WDTC1: variants seen among roughly 807,000 people sequenced by gnomAD.
WDTC1 encodes the protein WD and tetratricopeptide repeats 1.
In WDTC1, 12 loss-of-function variants were observed where a neutral mutation model predicts 76.0. The observed-to-expected ratio is 0.16, with a 90% CI of 0.10 to 0.26. WDTC1 has a LOEUF of 0.26. Among genes scored for constraint, WDTC1 ranks in the 10% least tolerant of loss-of-function variants. The pLI is 1.00. For synonymous variants in WDTC1, 326 were observed against 350.8 expected, an observed-to-expected ratio of 0.93 and a Z score of 0.79; for missense variants, 511 against 908.8, an observed-to-expected ratio of 0.56 and a Z score of 5.63.
intron 1 of WDTC1, among the ~76,000 whole-genome samples, chr1:27,249,834 A>G (rs2011976596): frequency 6.6e-6 from 1 of 152,152 alleles, no homozygotes; most frequent in Non-Finnish European, 1.5e-5. Context: ...TCGGCCTCCC[A>G]AAGCGCTGGG....
At chr1:27,266,110 T>A (rs2012655888) in intron 3 of WDTC1, among the ~76,000 whole-genome samples, 1 of 152,134 alleles carries the variant, frequency 6.6e-6, no homozygotes, top group South Asian at 2.1e-4. Context: ...TGGAATGGGA[T>A]GCCTGAATAA....
chr1:27,305,017 G>A lies in WDTC1; in HGVS notation c.1660G>A (p.Val554Ile), dbSNP rs566141915. 6.8e-5 allele frequency: 109 copies of A among 1,613,814 alleles called. 1 individual carries two copies. The highest frequency in any genetic ancestry group is 3.7e-4 in the South Asian group (34 of 91,066). The change falls in exon 15 of 16, where the codon GTC (valine) becomes ATC (isoleucine). Residue 554 changes from valine (V) to isoleucine (I), a missense_variant. By Grantham distance (29) the Val-to-Ile change is conservative. Coordinates refer to ENST00000319394, the MANE Select transcript of WDTC1 (RefSeq NM_001276252.2). The surrounding 1 kb of genome is among the most constrained non-coding windows in gnomAD (Gnocchi z 4.6). ...NFFGSNAQYIVSGSDDGSFFI... is the reference protein window; with the variant it reads ...NFFGSNAQYIISGSDDGSFFI... Reference sequence around the variant, plus strand: ...CCCCGCCAGCAACGCTCAGTATATCGTCAGTGGCTCTGACGATGGCTCCTT... The same window carrying A: ...CCCCGCCAGCAACGCTCAGTATATCATCAGTGGCTCTGACGATGGCTCCTT...
Position 27,303,497 on chromosome 1 carries a change from A to C in WDTC1, c.1469-124A>C. 8.3e-7 allele frequency: 1 copy of C among 1,199,170 alleles called. No individual in the cohort carries two copies. Among genetic ancestry groups the C allele is most frequent in the Non-Finnish European group, 1.1e-6 (1 of 889,704 alleles). 74.3% of individuals were successfully genotyped at this position (1,199,170 alleles called of 1,614,324 possible). Reference sequence around the variant, plus strand: ...CAACCTTTCCCCAGTTTTCCAGGATAAGGGTGGAGGCAGGTAGCTCTATGT... The same window carrying C: ...CAACCTTTCCCCAGTTTTCCAGGATCAGGGTGGAGGCAGGTAGCTCTATGT... On this transcript the variant is annotated intron_variant, in intron 13 of 15. Coordinates refer to ENST00000319394, the MANE Select transcript of WDTC1 (RefSeq NM_001276252.2). The surrounding 1 kb of genome is among the most constrained non-coding windows in gnomAD (Gnocchi z 4.8).
chr1:27,249,458 T>C (rs149931890), intron 1 of WDTC1, among the ~76,000 whole-genome samples: 35 of 152,340 alleles, frequency 2.3e-4, no homozygotes, highest in Admixed American at 8.5e-4. Flanking sequence ...TTGTAGCATG[T>C]ATCAGTACTT....
At chr1:27,270,785 A>G (rs920637611) in intron 3 of WDTC1, among the ~76,000 whole-genome samples, 6 of 152,156 alleles carry the variant, frequency 3.9e-5, no homozygotes, top group African/African-American at 1.4e-4. Context: ...ATAAAAACAG[A>G]TGTTGCCAAA....
intron 8 of WDTC1, 49 bp downstream of exon 8, chr1:27,294,165 T>C (rs902502897): frequency 5.0e-6 from 8 of 1,586,110 alleles, no homozygotes; most frequent in Non-Finnish European, 6.9e-6. Flanking sequence ...AGATGCTGAC[T>C]CTTTTGGGGG....
chr1:27,303,937 C>A lies in WDTC1; in HGVS notation c.1643+142C>A. On this transcript the variant is annotated intron_variant, in intron 14 of 15. Transcript: ENST00000319394. This position sits in a 1 kb window ranked among gnomAD's most constrained non-coding sequence, Gnocchi z 4.8. ...CTTGGGCAAATGGCTTCACCTTTGT[C>A]AGCCTCTAAAGTTTTTTAATCTATG... 2 of 1,143,800 alleles carry A rather than the reference C, an allele frequency of 1.7e-6. No individual in the cohort carries two copies. Among genetic ancestry groups the A allele is most frequent in the Non-Finnish European group, 2.5e-6 (2 of 810,944 alleles). 70.9% of individuals were successfully genotyped at this position (1,143,800 alleles called of 1,614,324 possible).
chr1:27,289,031 G>A (rs1277237927), intron 6 of WDTC1, among the ~76,000 whole-genome samples: 1 of 146,354 alleles, frequency 6.8e-6, no homozygotes, highest in African/African-American at 2.5e-5. Context: ...TGGGCGGGGG[G>A]CTGACCCCCC....
At chr1:27,276,018 G>A (rs1332967670) in intron 3 of WDTC1, among the ~76,000 whole-genome samples, 1 of 152,156 alleles carries the variant, frequency 6.6e-6, no homozygotes, top group Admixed American at 6.6e-5. Context: ...TTAGCATAAT[G>A]CTTTTAAGAT....
At chr1:27,260,804 GT>G (rs1440947314) in intron 1 of WDTC1, among the ~76,000 whole-genome samples, 151 bp from the exon 2 acceptor site, 2 of 152,264 alleles carry the variant, frequency 1.3e-5, no homozygotes, top group East Asian at 3.9e-4. Flanking sequence ...CATTCCAGAG[GT>G]TTTTCAACAC....
chr1:27,253,694 T>C (rs539967936), intron 1 of WDTC1, among the ~76,000 whole-genome samples: 1 of 152,142 alleles, frequency 6.6e-6, no homozygotes, highest in Admixed American at 6.5e-5. Context: ...AAAATAGACA[T>C]TGAAAATTTT....
At chr1:27,237,399 T>C (rs1235322880) in intron 1 of WDTC1, among the ~76,000 whole-genome samples, 1 of 152,224 alleles carries the variant, frequency 6.6e-6, no homozygotes, top group African/African-American at 2.4e-5. Context: ...GGTTTAGTTA[T>C]CTATTCTGTT....
chr1:27,285,382 G>A, intron 5 of WDTC1, among the ~76,000 whole-genome samples: 1 of 152,010 alleles, frequency 6.6e-6, no homozygotes, highest in Non-Finnish European at 1.5e-5. Flanking sequence ...TGGAAAGAGT[G>A]AATTGTTGTT....
intron 3 of WDTC1, among the ~76,000 whole-genome samples, chr1:27,269,606 G>GTTTTTTTTTTTTTTGTTTTTTTTTT (rs56885576): frequency 8.4e-6 from 1 of 119,480 alleles, no homozygotes; most frequent in Non-Finnish European, 1.6e-5. Context: ...TTTGTTTTTT[G>GTTTTTTTTTTTTTTGTTTTTTTTTT]TTTTTTTTTT....
At chr1:27,282,195 A>G in intron 3 of WDTC1, 44 bp from the exon 4 acceptor site, 1 of 1,598,796 alleles carries the variant, frequency 6.3e-7, no homozygotes, top group South Asian at 1.1e-5. Context: ...CCCCAGGAGA[A>G]CCCCTAACCA....
At position 27,292,372 on chromosome 1, in the gene WDTC1, G is replaced by T; in HGVS notation, c.637G>T (p.Asp213Tyr). ...CAGCGGGCCCTTCGTGAGGCTCTATGACATCCGCATGATCCATAACCACAG... is the reference window on the plus strand; with the variant it reads ...CAGCGGGCCCTTCGTGAGGCTCTATTACATCCGCATGATCCATAACCACAG... ...GASGPFVRLY[D>Y]IRMIHNHRKS... Residue 213 changes from aspartate (D) to tyrosine (Y), a missense_variant, in exon 7 of 16, where the codon GAC (aspartate) becomes TAC (tyrosine). Coordinates refer to ENST00000319394, the MANE Select transcript of WDTC1 (RefSeq NM_001276252.2). 6.2e-7 allele frequency: 1 copy of T among 1,609,010 alleles called. No individual in the cohort carries two copies. The highest frequency in any genetic ancestry group is 1.1e-5 in the South Asian group (1 of 90,158).
At chr1:27,267,946 A>G (rs1020948760) in intron 3 of WDTC1, among the ~76,000 whole-genome samples, 1 of 152,164 alleles carries the variant, frequency 6.6e-6, no homozygotes, top group Non-Finnish European at 1.5e-5. Flanking sequence ...ATGTGGTTAT[A>G]TCTCTTATCA....
chr1:27,288,012 G>A (rs2013393340), intron 6 of WDTC1, 151 bp downstream of exon 6: 5 of 995,440 alleles, frequency 5.0e-6, no homozygotes, highest in Admixed American at 2.8e-5. Context: ...ACTCCACTGG[G>A]AACATTTGCT....
At chr1:27,277,555 CCAAATAG>C (rs2013067323) in intron 3 of WDTC1, among the ~76,000 whole-genome samples, 1 of 152,026 alleles carries the variant, frequency 6.6e-6, no homozygotes, top group Admixed American at 6.6e-5. Context: ...TCTTAGTCTC[CCAAATAG>C]CTGGGATTAT....
Sources: allele counts gnomAD v4.1 joint callset (sites outside exome capture counted in the v4.1 genomes callset), GRCh38; gene constraint gnomAD v4.1.1; non-coding constraint Gnocchi (gnomAD v3.1); transcripts MANE v1.5; gene names NCBI Gene and HGNC (gene_info 2026-07-23, HGNC 2026-07-21).